Variants in C10orf67 observed in about 807,000 individuals in gnomAD.
The protein encoded by C10orf67 is chromosome 10 open reading frame 67.
Under a neutral mutation model 35.6 loss-of-function variants are expected in C10orf67, and 60 were observed. That is an observed-to-expected ratio of 1.68 (90% CI 1.37 to 2.09). C10orf67 has a LOEUF of 2.09. C10orf67 is among the 30% of genes most tolerant of loss of function. The pLI, the probability that C10orf67 is intolerant of heterozygous loss-of-function variation, is 0.00. For synonymous variants in C10orf67, 167 were observed against 115.8 expected, an observed-to-expected ratio of 1.44 and a Z score of -2.84; for missense variants, 474 against 330.2, an observed-to-expected ratio of 1.44 and a Z score of -3.38.
intron 12 of C10orf67, among the ~76,000 whole-genome samples, chr10:23,247,614 G>C (rs1842350681): frequency 6.6e-6 from 1 of 152,076 alleles, no homozygotes; most frequent in Non-Finnish European, 1.5e-5. Context: ...AGGATATTAT[G>C]AATAACTTTA....
At chr10:23,221,419 C>T (rs1363021585) in intron 15 of C10orf67, among the ~76,000 whole-genome samples, 1 of 152,124 alleles carries the variant, frequency 6.6e-6, no homozygotes, top group Non-Finnish European at 1.5e-5. Context: ...ATATCTAATA[C>T]CTCTTTAATA....
chr10:23,261,031 C>T (rs535039461), intron 10 of C10orf67, among the ~76,000 whole-genome samples: 1 of 152,156 alleles, frequency 6.6e-6, no homozygotes, highest in South Asian at 2.1e-4. Flanking sequence ...GTTGTTTAGG[C>T]CTGTGACCAT....
intron 8 of C10orf67, among the ~76,000 whole-genome samples, chr10:23,279,177 C>T (rs1229099692): frequency 1.3e-5 from 2 of 152,158 alleles, no homozygotes; most frequent in African/African-American, 4.8e-5. Flanking sequence ...ATTTGACTGA[C>T]CAGTGGGCAG....
intron 15 of C10orf67, among the ~76,000 whole-genome samples, chr10:23,215,470 T>A (rs1841407132): frequency 6.6e-6 from 1 of 152,058 alleles, no homozygotes; most frequent in Non-Finnish European, 1.5e-5. Context: ...ATTTTTGTAT[T>A]TTTAGTAGAG....
chr10:23,253,301 A>G (rs1180315447), intron 10 of C10orf67, among the ~76,000 whole-genome samples: 1 of 152,202 alleles, frequency 6.6e-6, no homozygotes, highest in African/African-American at 2.4e-5. Context: ...CCATTCATCA[A>G]AAAAGTGGGG....
intron 10 of C10orf67, among the ~76,000 whole-genome samples, chr10:23,259,783 G>T (rs1842698412): frequency 6.6e-6 from 1 of 151,948 alleles, no homozygotes; most frequent in Non-Finnish European, 1.5e-5. Flanking sequence ...TAATTTGTTG[G>T]ATGGGCTCAT....
chr10:23,285,118 C>G (rs1843493117), intron 7 of C10orf67, among the ~76,000 whole-genome samples: 1 of 152,156 alleles, frequency 6.6e-6, no homozygotes, highest in Non-Finnish European at 1.5e-5. Flanking sequence ...TTCATTATCT[C>G]ATTCAGTCCA....
chr10:23,273,944 T>C (rs571844657), intron 8 of C10orf67, among the ~76,000 whole-genome samples: 2 of 152,296 alleles, frequency 1.3e-5, no homozygotes, highest in South Asian at 4.2e-4. Flanking sequence ...TCTTTCTATT[T>C]TCCCCAAGTG....
intron 13 of C10orf67, among the ~76,000 whole-genome samples, chr10:23,227,272 G>C (rs1841767026): frequency 6.6e-6 from 1 of 152,142 alleles, no homozygotes; most frequent in African/African-American, 2.4e-5. Flanking sequence ...GGGATGCAAG[G>C]CTGGTTCAAC....
rs903054496 is a variant in C10orf67, at chr10:23,203,863, C to T, written c.*310G>A. 2.5e-5 allele frequency: 6 copies of T among 243,716 alleles called. No individual in the cohort carries two copies. Among genetic ancestry groups the T allele is most frequent in the Admixed American group, 5.6e-5 (1 of 18,018 alleles). 15.1% of individuals were successfully genotyped at this position (243,716 alleles called of 1,614,324 possible). On this transcript the variant is annotated 3_prime_UTR_variant, in exon 16 of 16. Coordinates refer to ENST00000636213, the MANE Select transcript of C10orf67 (RefSeq NM_001371909.1). ...TAATTAAAGTCCGTCCCTTCCCACT[C>T]TTAGACGCCTGGGCTCTTCTGAGTC...
intron 15 of C10orf67, among the ~76,000 whole-genome samples, chr10:23,214,270 A>G (rs1841378940): frequency 6.6e-6 from 1 of 152,182 alleles, no homozygotes; most frequent in African/African-American, 2.4e-5. Flanking sequence ...TAGGCATACA[A>G]TAAATTAGAA....
At chr10:23,275,669 G>A (rs1843166735) in intron 8 of C10orf67, among the ~76,000 whole-genome samples, 2 of 152,258 alleles carry the variant, frequency 1.3e-5, no homozygotes, top group Middle Eastern at 3.4e-3. Context: ...GTGCAGATGA[G>A]TAAATCCCCT....
intron 1 of C10orf67, chr10:23,344,051 G>A: frequency 6.2e-6 from 2 of 324,588 alleles, no homozygotes; most frequent in East Asian, 1.1e-4. Flanking sequence ...TCCTGAGTCG[G>A]AGTCGGGAAC....
At chr10:23,223,918 G>A in intron 13 of C10orf67, 100 bp from the exon 14 acceptor site, 1 of 668,234 alleles carries the variant, frequency 1.5e-6, no homozygotes, top group South Asian at 1.7e-5. Context: ...CCAAGATATG[G>A]AAACTATGCT....
chr10:23,317,142 T>C (rs1290842868), intron 4 of C10orf67: 1 of 152,358 alleles, frequency 6.6e-6, no homozygotes, highest in Non-Finnish European at 1.5e-5. Flanking sequence ...CTCCCTCCCA[T>C]GCTTGTTGGC....
At chr10:23,289,272 T>C (rs1002389371) in intron 7 of C10orf67, among the ~76,000 whole-genome samples, 1 of 152,166 alleles carries the variant, frequency 6.6e-6, no homozygotes, top group Non-Finnish European at 1.5e-5. Context: ...TAAACAATCC[T>C]CCTACTTCAG....
At chr10:23,315,695 C>A (rs918042408) in intron 4 of C10orf67, among the ~76,000 whole-genome samples, 6 of 152,174 alleles carry the variant, frequency 3.9e-5, no homozygotes, top group East Asian at 1.9e-4. Context: ...CCTGCCTCGG[C>A]CCCCCACAGT....
intron 4 of C10orf67, among the ~76,000 whole-genome samples, chr10:23,315,432 TTTTG>T (rs915389619): frequency 5.9e-5 from 9 of 152,218 alleles, no homozygotes; most frequent in South Asian, 4.1e-4. Context: ...GTTTTTTGTT[TTTTG>T]TTTGTTTGTT....
chr10:23,246,345 C>G (rs1478544726), intron 12 of C10orf67, among the ~76,000 whole-genome samples: 2 of 151,554 alleles, frequency 1.3e-5, no homozygotes, highest in African/African-American at 4.9e-5. Context: ...TATCCCCTGA[C>G]CTAAAATAAA....
Sources: gnomAD v4.1 joint callset for allele counts (sites outside exome capture counted in the v4.1 genomes callset) on GRCh38, gnomAD v4.1.1 for gene constraint, MANE v1.5 for transcripts, NCBI Gene and HGNC (gene_info 2026-07-23, HGNC 2026-07-21) for gene names.